Variants in PXK observed in about 807,000 individuals in gnomAD.
PXK encodes PX domain-containing protein kinase-like protein.
PXK carries 35 observed loss-of-function variants against 84.7 expected under a neutral mutation model. The ratio of observed to expected loss-of-function variants is 0.41; its 90% CI spans 0.32 to 0.55. PXK has a LOEUF of 0.55. PXK is among the 20% of genes least tolerant of loss of function. PXK has a pLI of 0.21. For synonymous variants in PXK, 253 were observed against 260.8 expected (o/e 0.97, Z 0.29); for missense variants, 634 against 699.7 (o/e 0.91, Z 1.06).
chr3:58,336,067 ATATAT>A (rs1187889547), intron 1 of PXK, among the ~76,000 whole-genome samples: 22 of 59,516 alleles, frequency 3.7e-4, no homozygotes, highest in African/African-American at 1.4e-3. Flanking sequence ...ATATATATAT[ATATAT>A]TTTTTTTTTT....
intron 1 of PXK, among the ~76,000 whole-genome samples, chr3:58,348,351 G>A (rs1050643004): frequency 1.3e-5 from 2 of 152,144 alleles, no homozygotes; most frequent in African/African-American, 4.8e-5. Flanking sequence ...GTCTCCTTCT[G>A]AACCACAGAA....
At chr3:58,339,933 G>C (rs1288125614) in intron 1 of PXK, among the ~76,000 whole-genome samples, 1 of 148,498 alleles carries the variant, frequency 6.7e-6, no homozygotes, top group South Asian at 2.1e-4. Context: ...TCCTGCGTCA[G>C]CCTCCCGAGT....
intron 12 of PXK, among the ~76,000 whole-genome samples, chr3:58,403,340 C>T (rs1387260825): frequency 6.6e-6 from 1 of 151,998 alleles, no homozygotes; most frequent in Non-Finnish European, 1.5e-5. Context: ...TTGATTTACT[C>T]CAAAAGCTAC....
intron 1 of PXK, among the ~76,000 whole-genome samples, chr3:58,363,256 A>G (rs1467942460): frequency 2.0e-5 from 3 of 152,134 alleles, no homozygotes; most frequent in Non-Finnish European, 4.4e-5. Context: ...TTTCTAATTT[A>G]TACCTATATA....
In PXK at chr3:58,364,616, G is replaced by T. The variant is rs1410128863; in HGVS notation, c.103-1258G>T. Among the ~76,000 whole-genome samples, 1 of 152,080 alleles carries T rather than the reference G, an allele frequency of 6.6e-6. No individual in the cohort carries two copies. The highest frequency in any genetic ancestry group is 6.6e-5 in the Admixed American group (1 of 15,264). On this transcript the variant is annotated intron_variant, in intron 1 of 17. Transcript: ENST00000356151. The surrounding 1 kb of genome is among the most constrained non-coding windows in gnomAD (Gnocchi z 4.3). ...AATCCCAGCTACTCAGGAGGCTGAG[G>T]CAGGAGAATTGCTTGAACCCAGGAG... is the stretch of plus-strand genomic sequence containing the variant.
intron 17 of PXK, chr3:58,423,165 C>A: frequency 1.0e-6 from 1 of 985,156 alleles, no homozygotes; most frequent in Non-Finnish European, 1.2e-6. Context: ...CTCCAGAAGT[C>A]CTCTTCAGAG....
chr3:58,391,254 G>T lies in PXK; in HGVS notation c.540+34G>T. 6 of 1,534,822 alleles carry T rather than the reference G, an allele frequency of 3.9e-6. No individual in the cohort carries two copies. In the South Asian group the frequency reaches 4.5e-5, roughly 12 times the overall value. ...GCTTTTTGCTTTGGTCTCCTTCAGT[G>T]ACTTTAGATGGGTTAATGAAAGCAG... On this transcript the variant is annotated intron_variant, in intron 6 of 17. Coordinates refer to ENST00000356151, the MANE Select transcript of PXK (RefSeq NM_017771.5).
At chr3:58,424,396 C>A (rs545240154) in intron 17 of PXK, among the ~76,000 whole-genome samples, 1 of 152,300 alleles carries the variant, frequency 6.6e-6, no homozygotes, top group South Asian at 2.1e-4. Flanking sequence ...TTCCTGGGAC[C>A]TGGCTAAAGT....
In PXK at chr3:58,411,431, G is replaced by T. The variant is rs1010563218; in HGVS notation, c.1465+1272G>T. 6.6e-6 allele frequency among the ~76,000 whole-genome samples: 1 copy of T among 152,204 alleles called. No individual in the cohort carries two copies. Among genetic ancestry groups the T allele is most frequent in the Non-Finnish European group, 1.5e-5 (1 of 68,030 alleles). ...AATGAGGACCAGCGCAGGCTCCTTG[G>T]GGGTGAATGCTGTTGTGGCTGGTGG... On this transcript the variant is annotated intron_variant, in intron 16 of 17. Coordinates refer to ENST00000356151, the MANE Select transcript of PXK (RefSeq NM_017771.5). This position sits in a 1 kb window ranked among gnomAD's most constrained non-coding sequence, Gnocchi z 4.2.
At position 58,411,407 on chromosome 3, in the gene PXK, A is replaced by G. The variant is rs1054017520; in HGVS notation, c.1465+1248A>G. Among the ~76,000 whole-genome samples, 1 of 152,158 alleles carries G rather than the reference A, an allele frequency of 6.6e-6. No homozygotes were observed. The highest frequency in any genetic ancestry group is 1.5e-5 in the Non-Finnish European group (1 of 68,022). ...AGGAGAGGAAGGAGGGGTGGTCCCA[A>G]TGAGGACCAGCGCAGGCTCCTTGGG... On this transcript the variant is annotated intron_variant, in intron 16 of 17. Transcript: ENST00000356151. The surrounding 1 kb of genome is among the most constrained non-coding windows in gnomAD (Gnocchi z 4.2).
intron 1 of PXK, among the ~76,000 whole-genome samples, chr3:58,349,537 G>A (rs550803283): frequency 4.0e-5 from 6 of 151,762 alleles, no homozygotes; most frequent in Non-Finnish European, 8.8e-5. Context: ...TGTATTTTTA[G>A]TAGAGACGGG....
intron 3 of PXK, among the ~76,000 whole-genome samples, chr3:58,371,682 G>A (rs900823055): frequency 3.3e-5 from 5 of 152,082 alleles, no homozygotes; most frequent in African/African-American, 1.2e-4. Flanking sequence ...CTTCACTTAT[G>A]GCCTTTTTAA....
At chr3:58,359,320 AG>A (rs1324277394) in intron 1 of PXK, among the ~76,000 whole-genome samples, 1 of 151,946 alleles carries the variant, frequency 6.6e-6, no homozygotes, top group Non-Finnish European at 1.5e-5. Context: ...TCACGAGGTC[AG>A]GAGATCGAGA....
intron 1 of PXK, among the ~76,000 whole-genome samples, chr3:58,365,430 G>A (rs909436261): frequency 1.3e-5 from 2 of 152,182 alleles, no homozygotes; most frequent in African/African-American, 4.8e-5. Context: ...TACGCATGAT[G>A]ACTTGGAAAG....
chr3:58,353,611 G>T (rs748006945), intron 1 of PXK, among the ~76,000 whole-genome samples: 1 of 152,188 alleles, frequency 6.6e-6, no homozygotes, highest in Non-Finnish European at 1.5e-5. Flanking sequence ...TGGCCAGGCA[G>T]GTGGCCAGTG....
In PXK at chr3:58,333,785, C is replaced by T. The variant is rs1168337618; in HGVS notation, c.102+695C>T. 6.6e-6 allele frequency among the ~76,000 whole-genome samples: 1 copy of T among 152,050 alleles called. No individual in the cohort carries two copies. Among genetic ancestry groups the T allele is most frequent in the Non-Finnish European group, 1.5e-5 (1 of 68,010 alleles). Reference sequence around the variant, plus strand: ...CGAGTAGCATAAAGGAGTAATAGGTCCTCATAGTAAACATTGGCAGGGTTC... The same window carrying T: ...CGAGTAGCATAAAGGAGTAATAGGTTCTCATAGTAAACATTGGCAGGGTTC... On this transcript the variant is annotated intron_variant, in intron 1 of 17. Transcript: ENST00000356151. This position sits in a 1 kb window ranked among gnomAD's most constrained non-coding sequence, Gnocchi z 5.4.
In PXK at chr3:58,365,881, T is replaced by G. The variant is rs756354844; in HGVS notation, c.110T>G (p.Ile37Ser). ...SQSLQSHTEY[I>S]IRVQRGISVE... The stretch of plus-strand genomic sequence containing the variant: ...TTCCCTTCTCTTTTTAAGGAATATA[T>G]TATTCGAGTGCAAAGAGGAATTTCT... The change falls in exon 2 of 18, where the codon ATT becomes AGT. Residue 37 changes from isoleucine to serine, a missense_variant. Physicochemically the swap from Ile to Ser is moderately radical, Grantham distance 142. Around this residue, in one of 3 missense-constraint regions of PXK, gnomAD observed 353 missense variants for 385.2 expected, o/e 0.92. Coordinates refer to ENST00000356151, the MANE Select transcript of PXK (RefSeq NM_017771.5). 1 of 1,580,932 alleles carries G rather than the reference T, an allele frequency of 6.3e-7. No individual in the cohort carries two copies. Among genetic ancestry groups the G allele is most frequent in the Non-Finnish European group, 8.6e-7 (1 of 1,167,364 alleles).
rs67142204 is a variant in PXK at position 58,409,771 on chromosome 3, G to T, written c.1395+153G>T. On this transcript the variant is annotated intron_variant, in intron 15 of 17. Transcript: ENST00000356151. The surrounding 1 kb of genome is among the most constrained non-coding windows in gnomAD (Gnocchi z 4.2). The stretch of plus-strand genomic sequence containing the variant: ...CAGATGACTGGGGTGCAGTTTTTTT[G>T]GGGAAAAAAAAAGAGTCATATGATA... 3.0e-4 allele frequency among the ~76,000 whole-genome samples: 5 copies of T among 16,688 alleles called. No individual in the cohort carries two copies. The highest frequency in any genetic ancestry group is 3.4e-4 in the African/African-American group (3 of 8,796). 10.9% of individuals were successfully genotyped at this position (16,688 alleles called of 152,430 possible). A position where few individuals can be genotyped will look rare whatever the true frequency, so the allele number is the denominator to read the frequency against.
chr3:58,416,225 C>G lies in PXK; in HGVS notation c.1528+3262C>G, dbSNP rs138942986. Reference sequence around the variant, plus strand: ...GTTTCTATAGGGCAAGGGAACTTCTCTGGAGCTTTAACTTCCTTGGCTATT... The same window carrying G: ...GTTTCTATAGGGCAAGGGAACTTCTGTGGAGCTTTAACTTCCTTGGCTATT... On this transcript the variant is annotated intron_variant, in intron 17 of 17. Transcript: ENST00000356151. The surrounding 1 kb of genome is among the most constrained non-coding windows in gnomAD (Gnocchi z 4.8). Among the ~76,000 whole-genome samples the G allele has an allele frequency of 4.7e-3, 714 of 152,320 alleles. 4 individuals carry two copies. The highest frequency in any genetic ancestry group is 0.016 in the African/African-American group (649 of 41,570).
Sources: allele counts gnomAD v4.1 joint callset (sites outside exome capture counted in the v4.1 genomes callset), GRCh38; gene constraint gnomAD v4.1.1; regional missense constraint gnomAD v4.1.1; non-coding constraint Gnocchi (gnomAD v3.1); transcripts MANE v1.5; gene names NCBI Gene and HGNC (gene_info 2026-07-23, HGNC 2026-07-21).